The following OOEP variants were observed in gnomAD, a reference collection of about 807,000 sequenced individuals.
The protein encoded by OOEP is oocyte-expressed protein homolog.
In OOEP, 16 loss-of-function variants were observed where a neutral mutation model predicts 13.7. The observed-to-expected ratio is 1.16, with a 90% CI of 0.79 to 1.77. OOEP has a LOEUF of 1.77. Among genes scored for constraint, OOEP ranks in the 40% most tolerant of loss-of-function variants. The pLI, the probability that OOEP is intolerant of heterozygous loss-of-function variation, is 0.00. For missense variants in OOEP, 195 were observed against 193.1 expected (o/e 1.01, Z -0.06); for synonymous variants, 89 against 77.1 (o/e 1.15, Z -0.81).
chr6:73,369,205 C>A lies in OOEP; in HGVS notation c.370+1G>T. 5.0e-6 allele frequency: 8 copies of A among 1,608,372 alleles called. No individual in the cohort carries two copies. The highest frequency in any genetic ancestry group is 6.8e-6 in the Non-Finnish European group (8 of 1,177,390). On this transcript the variant is annotated splice_donor_variant, in intron 2 of 2. Coordinates refer to ENST00000370359, the MANE Select transcript of OOEP (RefSeq NM_001080507.3). LOFTEE classifies it high-confidence loss of function. ...ACATGCAGGTTCTCAAAGACCCTCA[C>A]CTCGGGCACGATGTTCTCGGTGAAA...
At chr6:73,379,704 C>A (rs1769177222) in intron 2 of OOEP, among the ~76,000 whole-genome samples, 1 of 150,022 alleles carries the variant, frequency 6.7e-6, no homozygotes, top group Non-Finnish European at 1.5e-5. Flanking sequence ...TAATGTCTGG[C>A]CTAATAGACA....
chr6:73,392,169 CAT>C (rs1266578038), intron 2 of OOEP, among the ~76,000 whole-genome samples: 3 of 152,328 alleles, frequency 2.0e-5, no homozygotes, highest in African/African-American at 7.2e-5. Context: ...TTCTGACTAA[CAT>C]AGATGCAAAA....
rs760522132 is a variant in OOEP at position 73,395,045 on chromosome 6, G to A, written c.-445C>T. 2.5e-5 allele frequency: 40 copies of A among 1,613,154 alleles called. 2 individuals are homozygous for A. The South Asian group carries it at 3.7e-4, about 15-fold the overall frequency. On this transcript the variant is annotated 5_prime_UTR_variant, in exon 1 of 4. Coordinates refer to the OOEP transcript ENST00000370363. ...GGTCCTGAGGGATATAGTGTCGGCA[G>A]AGGTGGTCGCTGGAGAGGCACCTCT...
chr6:73,393,184 C>T (rs1445694639), intron 2 of OOEP, among the ~76,000 whole-genome samples: 1 of 151,874 alleles, frequency 6.6e-6, no homozygotes, highest in Non-Finnish European at 1.5e-5. Context: ...CATTTCGGCA[C>T]TTCGGCTCAC....
upstream of OOEP, chr6:73,373,007 G>A (rs139201300): frequency 9.6e-3 from 9,403 of 978,014 alleles, 284 homozygotes; most frequent in African/African-American, 0.082. Flanking sequence ...AGGAAAACAC[G>A]TCGAAATCTC....
chr6:73,381,074 G>C (rs1270310232), intron 2 of OOEP, among the ~76,000 whole-genome samples: 1 of 151,796 alleles, frequency 6.6e-6, no homozygotes, highest in African/African-American at 2.4e-5. Context: ...CAGGAGAATT[G>C]CTTGAACCCA....
At chr6:73,387,020 T>C (rs1043842348) in intron 2 of OOEP, among the ~76,000 whole-genome samples, 1 of 110,294 alleles carries the variant, frequency 9.1e-6, no homozygotes, top group African/African-American at 3.4e-5. Context: ...CAGAGCTCAA[T>C]GAAAGGGCTA....
chr6:73,369,452 A>T (rs1455909093), intron 1 of OOEP, 67 bp from the exon 2 acceptor site: 13 of 1,544,664 alleles, frequency 8.4e-6, no homozygotes, highest in Non-Finnish European at 1.1e-5. Context: ...TTTGAAGGGA[A>T]TGTTGGCCAG....
At chr6:73,389,064 G>T (rs900092318) in intron 2 of OOEP, among the ~76,000 whole-genome samples, 12 of 150,820 alleles carry the variant, frequency 8.0e-5, no homozygotes, top group Admixed American at 2.0e-4. Context: ...GTGCTCTGGC[G>T]CGTCGCTATC....
At chr6:73,369,486 G>A in intron 1 of OOEP, 101 bp from the exon 2 acceptor site, 7 of 1,478,590 alleles carry the variant, frequency 4.7e-6, no homozygotes, top group South Asian at 1.2e-5. Flanking sequence ...TGGAAGGTGG[G>A]CATCACTGCA....
At chr6:73,373,377 T>G (rs916308784), upstream of OOEP, 16 of 1,071,974 alleles carry the variant, frequency 1.5e-5, no homozygotes, top group East Asian at 2.5e-5. Flanking sequence ...CAGGCTAGAG[T>G]GCAGTGGCAC....
At chr6:73,374,342 T>C (rs778289566), upstream of OOEP, among the ~76,000 whole-genome samples, 8 of 152,106 alleles carry the variant, frequency 5.3e-5, no homozygotes, top group Non-Finnish European at 1.2e-4. Flanking sequence ...CTAGGCCCTT[T>C]CCAGGACCCA....
At chr6:73,376,601 T>G (rs1769143262) in intron 2 of OOEP, among the ~76,000 whole-genome samples, 1 of 151,844 alleles carries the variant, frequency 6.6e-6, no homozygotes, top group Non-Finnish European at 1.5e-5. Context: ...GCCTCCAGAG[T>G]AGCTGGGATT....
chr6:73,369,954 C>G (rs1429007376), upstream of OOEP: 8 of 614,058 alleles, frequency 1.3e-5, no homozygotes, highest in South Asian at 3.9e-5. Context: ...AGCGACGCCC[C>G]GGCATAGCGG....
intron 2 of OOEP, among the ~76,000 whole-genome samples, chr6:73,390,254 A>G (rs1769328971): frequency 6.6e-6 from 1 of 152,196 alleles, no homozygotes; most frequent in South Asian, 2.1e-4. Context: ...AACAAAACAA[A>G]AATGAAAAGC....
upstream of OOEP, chr6:73,373,120 C>T (rs1189483979): frequency 2.5e-6 from 4 of 1,604,704 alleles, no homozygotes; most frequent in East Asian, 2.2e-5. Context: ...ATAGACCCAG[C>T]TTGGTTCTTC....
At chr6:73,369,148 C>T (rs1359497232) in intron 2 of OOEP, 58 bp downstream of exon 2, 3 of 1,514,744 alleles carry the variant, frequency 2.0e-6, no homozygotes, top group Non-Finnish European at 1.8e-6. Flanking sequence ...GGAAACCGAG[C>T]AAGGCCAGTA....
At chr6:73,394,881 G>A (rs751400041) in exon 1 of OOEP, 3 of 1,611,662 alleles carry the variant, frequency 1.9e-6, no homozygotes, top group Non-Finnish European at 2.5e-6. Context: ...CGGCAACGAC[G>A]TCGGACGCGC....
At chr6:73,388,923 G>A (rs1769309784) in intron 2 of OOEP, among the ~76,000 whole-genome samples, 2 of 152,148 alleles carry the variant, frequency 1.3e-5, no homozygotes, top group African/African-American at 2.4e-5. Flanking sequence ...CGGAGTCGGA[G>A]GAATAAGTTC....
Sources: allele counts gnomAD v4.1 joint callset (sites outside exome capture counted in the v4.1 genomes callset), GRCh38; gene constraint gnomAD v4.1.1; transcripts MANE v1.5; gene names NCBI Gene and HGNC (gene_info 2026-07-23, HGNC 2026-07-21).